MIPOL1: variants seen among roughly 807,000 people sequenced by gnomAD.
MIPOL1 encodes mirror-image polydactyly 1.
A neutral mutation model predicts 60.9 loss-of-function variants in MIPOL1; 57 were observed. The ratio of observed to expected loss-of-function variants is 0.94; its 90% confidence interval spans 0.76 to 1.17. MIPOL1 has a LOEUF of 1.17. Among genes scored for constraint, MIPOL1 ranks in the 50% most tolerant of loss-of-function variants. The pLI is 0.00. For synonymous variants in MIPOL1, 179 were observed against 168.8 expected (o/e 1.06, Z -0.47); for missense variants, 551 against 511.6 (o/e 1.08, Z -0.74).
chr14:37,534,548 A>G lies in MIPOL1; in HGVS notation c.1263-12357A>G, dbSNP rs75241712. Among the ~76,000 whole-genome samples the G allele has an allele frequency of 6.5e-3, 988 of 152,316 alleles. 12 individuals are homozygous for G. The highest frequency in any genetic ancestry group is 0.023 in the African/African-American group (953 of 41,576). ...TTGATTTTTGAGAGCCTGTTGGGCT[A>G]GTTACCAAATATACAGTGGTAAACA... On this transcript the variant is annotated intron_variant, in intron 12 of 12. Coordinates refer to ENST00000684589, the MANE Select transcript of MIPOL1 (RefSeq NM_001388067.1).
At chr14:37,456,330 G>T (rs1323144527) in intron 11 of MIPOL1, among the ~76,000 whole-genome samples, 1 of 151,990 alleles carries the variant, frequency 6.6e-6, no homozygotes, top group Non-Finnish European at 1.5e-5. Context: ...CCTGTCCATA[G>T]TATATTCCCC....
intron 1 of MIPOL1, among the ~76,000 whole-genome samples, chr14:37,241,585 G>T (rs1972364436): frequency 6.7e-6 from 1 of 149,828 alleles, no homozygotes; most frequent in Admixed American, 6.7e-5. Flanking sequence ...GGGGTGAGGG[G>T]GTGGGGGTGG....
At chr14:37,496,473 G>C (rs1313175156) in intron 11 of MIPOL1, among the ~76,000 whole-genome samples, 6 of 145,856 alleles carry the variant, frequency 4.1e-5, no homozygotes, top group African/African-American at 1.5e-4. Flanking sequence ...CAAAATCAAT[G>C]TACAAAAATC....
At chr14:37,417,655 A>G (rs1190678379) in intron 10 of MIPOL1, among the ~76,000 whole-genome samples, 2 of 152,172 alleles carry the variant, frequency 1.3e-5, no homozygotes, top group African/African-American at 4.8e-5. Context: ...TTAAAATCCT[A>G]GTAGGTCTAT....
intron 12 of MIPOL1, chr14:37,502,144 A>G (rs1425168229): frequency 2.0e-5 from 3 of 152,322 alleles, no homozygotes; most frequent in African/African-American, 4.8e-5. Context: ...TACTGCCTCT[A>G]TGGACTCCAT....
chr14:37,263,463 G>T (rs1462233119), intron 3 of MIPOL1, among the ~76,000 whole-genome samples: 1 of 152,152 alleles, frequency 6.6e-6, no homozygotes, highest in Non-Finnish European at 1.5e-5. Flanking sequence ...TTGATAGCAG[G>T]ATAACTTTAT....
intron 11 of MIPOL1, among the ~76,000 whole-genome samples, chr14:37,426,640 ATTATATATGTGTATATATATATG>A (rs2093973082): frequency 1.4e-5 from 2 of 143,636 alleles, no homozygotes; most frequent in South Asian, 2.1e-4. Context: ...ATATATATAT[ATTATATATGTGTATATATATATG>A]CACACAAGTA....
chr14:37,206,119 G>A (rs1966049632), intron 1 of MIPOL1, among the ~76,000 whole-genome samples: 1 of 152,098 alleles, frequency 6.6e-6, no homozygotes, highest in Non-Finnish European at 1.5e-5. Flanking sequence ...ATGTCCCCAG[G>A]GTATGTCAGA....
chr14:37,411,328 T>C (rs551515904), intron 10 of MIPOL1, among the ~76,000 whole-genome samples: 1 of 152,290 alleles, frequency 6.6e-6, no homozygotes, highest in South Asian at 2.1e-4. Flanking sequence ...TGAATTTCTT[T>C]TTTCCTCATT....
At chr14:37,255,541 A>G (rs533593437) in intron 3 of MIPOL1, among the ~76,000 whole-genome samples, 5 of 151,756 alleles carry the variant, frequency 3.3e-5, no homozygotes, top group African/African-American at 9.7e-5. Flanking sequence ...AAATACTTCA[A>G]CTTTTAGTGT....
intron 7 of MIPOL1, among the ~76,000 whole-genome samples, chr14:37,295,822 C>A (rs2085606199): frequency 6.6e-6 from 1 of 152,150 alleles, no homozygotes; most frequent in South Asian, 2.1e-4. Flanking sequence ...TAGTGACCTA[C>A]AAAATGACTT....
chr14:37,520,012 A>C (rs2095401335), intron 12 of MIPOL1, among the ~76,000 whole-genome samples: 1 of 152,172 alleles, frequency 6.6e-6, no homozygotes, highest in Non-Finnish European at 1.5e-5. Context: ...CAATCATCAT[A>C]TCTATCAACA....
intron 11 of MIPOL1, among the ~76,000 whole-genome samples, chr14:37,438,973 T>G (rs2094202885): frequency 6.6e-6 from 1 of 152,256 alleles, no homozygotes; most frequent in African/African-American, 2.4e-5. Context: ...ACAATCATAT[T>G]TAGTAGTAAC....
At chr14:37,404,142 C>T (rs1299272072) in intron 10 of MIPOL1, among the ~76,000 whole-genome samples, 1 of 152,082 alleles carries the variant, frequency 6.6e-6, no homozygotes, top group Non-Finnish European at 1.5e-5. Flanking sequence ...TAATTAGAAA[C>T]TTGAATATTA....
intron 11 of MIPOL1, among the ~76,000 whole-genome samples, chr14:37,488,778 T>G (rs2094994591): frequency 6.6e-6 from 1 of 152,222 alleles, no homozygotes; most frequent in Admixed American, 6.5e-5. Flanking sequence ...CACTCTCTTC[T>G]GGCTTGTAGG....
At chr14:37,512,468 T>G (rs2095336062) in intron 12 of MIPOL1, among the ~76,000 whole-genome samples, 1 of 151,492 alleles carries the variant, frequency 6.6e-6, no homozygotes, top group African/African-American at 2.4e-5. Flanking sequence ...ATTTCTAAAG[T>G]TTCTCAGTTG....
chr14:37,521,364 T>C (rs2095412012), intron 12 of MIPOL1, among the ~76,000 whole-genome samples: 1 of 152,232 alleles, frequency 6.6e-6, no homozygotes, highest in Non-Finnish European at 1.5e-5. Context: ...TTATTCTAAT[T>C]TGTTCTCTCT....
chr14:37,301,101 A>T lies in MIPOL1; in HGVS notation c.624-6955A>T, dbSNP rs1191842306. On this transcript the variant is annotated intron_variant, in intron 7 of 12. Coordinates refer to ENST00000684589, the MANE Select transcript of MIPOL1 (RefSeq NM_001388067.1). ...ACTATATATATGTGTGTGTATATGT[A>T]TATGTGTGTGTGTATATATATATAC... is the stretch of plus-strand genomic sequence containing the variant. 4.1e-4 allele frequency among the ~76,000 whole-genome samples: 4 copies of T among 9,750 alleles called. 2 individuals are homozygous for T. The highest frequency in any genetic ancestry group is 5.7e-4 in the African/African-American group (4 of 7,006). 6.4% of individuals were successfully genotyped at this position (9,750 alleles called of 152,430 possible).
At chr14:37,247,948 G>A in intron 3 of MIPOL1, 41 bp downstream of exon 3, 1 of 1,606,008 alleles carries the variant, frequency 6.2e-7, no homozygotes. Flanking sequence ...CCCAGGTGTT[G>A]TTCTAGTTCA....
Sources: gnomAD v4.1 joint callset for allele counts (sites outside exome capture counted in the v4.1 genomes callset) on GRCh38, gnomAD v4.1.1 for gene constraint, MANE v1.5 for transcripts, NCBI Gene and HGNC (gene_info 2026-07-23, HGNC 2026-07-21) for gene names.